Variants in SERINC1 observed in about 807,000 individuals in gnomAD.
SERINC1 encodes the protein tumor differentially expressed protein 2.
Under a neutral mutation model 52.9 loss-of-function variants are expected in SERINC1, and 38 were observed. The ratio of observed to expected loss-of-function variants is 0.72; its 90% CI spans 0.55 to 0.94. The LOEUF is 0.94. Among genes scored for constraint, SERINC1 ranks in the 40% least tolerant of loss-of-function variants. The probability of loss-of-function intolerance (pLI) is 0.00; values close to 1 mark genes in which losing one functional copy is unlikely to be tolerated. For synonymous variants in SERINC1, 198 were observed against 183.1 expected (o/e 1.08, Z -0.66); for missense variants, 471 against 533.9 (o/e 0.88, Z 1.16).
At chr6:122,454,017 G>GGA in intron 4 of SERINC1, 110 bp from the exon 5 acceptor site, 1 of 1,298,768 alleles carries the variant, frequency 7.7e-7, no homozygotes, top group Non-Finnish European at 1.1e-6. Flanking sequence ...TGAACATCTT[G>GGA]ATTTTGCCAA....
In SERINC1 at chr6:122,444,930, G is replaced by A; in HGVS notation, c.*114C>T. The A allele has an allele frequency of 1.0e-6, 1 of 957,128 alleles. No individual in the cohort carries two copies. The highest frequency in any genetic ancestry group is 1.7e-5 in the South Asian group (1 of 57,628). 59.3% of individuals were successfully genotyped at this position (957,128 alleles called of 1,614,324 possible). ...AAGCAGTAAAATCTAATTCATGCCA[G>A]AACACTGGAGAAGTTACATGGGAAG... On this transcript the variant is annotated 3_prime_UTR_variant, in exon 10 of 10. Coordinates refer to ENST00000339697, the MANE Select transcript of SERINC1 (RefSeq NM_020755.4).
At chr6:122,455,685 A>C (rs1483120097) in intron 3 of SERINC1, among the ~76,000 whole-genome samples, 1 of 152,188 alleles carries the variant, frequency 6.6e-6, no homozygotes, top group African/African-American at 2.4e-5. Context: ...ACAATTACAT[A>C]AACTGCTTTT....
intron 2 of SERINC1, among the ~76,000 whole-genome samples, chr6:122,457,355 C>G (rs1351016309): frequency 6.6e-6 from 1 of 152,194 alleles, no homozygotes; most frequent in Non-Finnish European, 1.5e-5. Flanking sequence ...TCAGCATACG[C>G]TGCCATGGTT....
At chr6:122,447,972 G>C (rs1260695196) in intron 7 of SERINC1, among the ~76,000 whole-genome samples, 1 of 152,066 alleles carries the variant, frequency 6.6e-6, no homozygotes, top group East Asian at 1.9e-4. Context: ...AAATCAGCTG[G>C]GCGTGGTGGC....
chr6:122,456,654 G>C lies in SERINC1; in HGVS notation c.202-4C>G. On this transcript the variant is annotated splice_polypyrimidine_tract_variant and splice_region_variant and intron_variant, in intron 2 of 9. Transcript: ENST00000339697. ...CATTCTCACAAAATCCAGGAATCTA[G>C]AAAAACAAAAGAGTTTATGATCCAT... is the stretch of plus-strand genomic sequence containing the variant. The C allele has an allele frequency of 6.4e-7, 1 of 1,559,688 alleles. No individual in the cohort carries two copies. Among genetic ancestry groups the C allele is most frequent in the Non-Finnish European group, 8.6e-7 (1 of 1,158,664 alleles).
chr6:122,451,776 A>AAAAAAATATATATATATATATAT, intron 6 of SERINC1, 22 bp from the exon 7 acceptor site: 3 of 113,064 alleles, frequency 2.7e-5, no homozygotes, highest in African/African-American at 7.4e-5. Flanking sequence ...AAAAAAAAAA[A>AAAAAAATATATATATATATATAT]ATATATATAT....
At chr6:122,462,935 A>G (rs1274937367) in intron 1 of SERINC1, among the ~76,000 whole-genome samples, 1 of 152,188 alleles carries the variant, frequency 6.6e-6, no homozygotes, top group Admixed American at 6.5e-5. Flanking sequence ...CCCAATTCCA[A>G]TCACAATCCC....
In SERINC1 at chr6:122,444,976, C is replaced by T; in HGVS notation, c.*68G>A. On this transcript the variant is annotated 3_prime_UTR_variant, in exon 10 of 10. Coordinates refer to ENST00000339697, the MANE Select transcript of SERINC1 (RefSeq NM_020755.4). ...GGAAGCAAAAACATACACAACTTTACAAAAGTTGGGAATACTGTTTTCAAA... is the reference window on the plus strand; with the variant it reads ...GGAAGCAAAAACATACACAACTTTATAAAAGTTGGGAATACTGTTTTCAAA... The T allele has an allele frequency of 6.7e-7, 1 of 1,494,376 alleles. No homozygotes were observed. The highest frequency in any genetic ancestry group is 9.1e-7 in the Non-Finnish European group (1 of 1,094,666). The allele number at this position is 1,494,376 out of a possible 1,614,324, so 92.6% of individuals were successfully genotyped here.
At position 122,468,061 on chromosome 6, in the gene SERINC1, G is replaced by A. The variant is rs565563603; in HGVS notation, c.39+3638C>T. Among the ~76,000 whole-genome samples the A allele has an allele frequency of 5.3e-5, 8 of 152,232 alleles. No homozygotes were observed. The East Asian group carries it at 1.4e-3, about 26-fold the overall frequency. ...CTATTTTTCTTAAGCGCATAGAGAA[G>A]TATGTACATACAGAATTATGAATTA... On this transcript the variant is annotated intron_variant, in intron 1 of 9. Transcript: ENST00000339697.
In SERINC1 at chr6:122,443,425, T is replaced by C. The variant is rs1217598191; in HGVS notation, c.*1619A>G. 1 of 152,056 alleles carries C rather than the reference T, an allele frequency of 6.6e-6. No homozygotes were observed. The highest frequency in any genetic ancestry group is 1.9e-4 in the East Asian group (1 of 5,198). 9.4% of individuals were successfully genotyped at this position (152,056 alleles called of 1,614,324 possible). A position where few individuals can be genotyped will look rare whatever the true frequency, so the allele number is the denominator to read the frequency against. Reference sequence around the variant, plus strand: ...TGGAATACAATGTCTACACACAGAATAAGGTTGGGGAATTAAGCTGAATTG... The same window carrying C: ...TGGAATACAATGTCTACACACAGAACAAGGTTGGGGAATTAAGCTGAATTG... On this transcript the variant is annotated 3_prime_UTR_variant, in exon 10 of 10. Transcript: ENST00000339697.
intron 5 of SERINC1, among the ~76,000 whole-genome samples, chr6:122,453,272 C>A (rs144863042): frequency 6.6e-6 from 1 of 152,254 alleles, no homozygotes; most frequent in Non-Finnish European, 1.5e-5. Context: ...TATAAATAAT[C>A]ATTAATTACA....
At chr6:122,448,106 CAAAAA>C (rs879702470) in intron 7 of SERINC1, among the ~76,000 whole-genome samples, 1 of 65,210 alleles carries the variant, frequency 1.5e-5, no homozygotes, top group Non-Finnish European at 3.2e-5. Flanking sequence ...GACTCTGTCT[CAAAAA>C]AAAAAAAAAA....
rs1442129837 is a variant in SERINC1 at position 122,446,817 on chromosome 6, G to C, written c.1183C>G (p.Leu395Val). Residue 395 changes from leucine (L) to valine (V), a missense_variant, in exon 9 of 10, where the codon CTG becomes GTG. By Grantham distance (32) the Leu-to-Val change is conservative. Coordinates refer to ENST00000339697, the MANE Select transcript of SERINC1 (RefSeq NM_020755.4). ...GTCATCATGATATAAAGTGAAGCCA[G>C]GAAAAGCATGAAGTGAAAGAAGGAA... is the stretch of plus-strand genomic sequence containing the variant. ...SYSFFHFMLF[L>V]ASLYIMMTLT... is the part of the protein sequence containing the mutation. 1.2e-6 allele frequency: 2 copies of C among 1,613,830 alleles called. No individual in the cohort carries two copies. Among genetic ancestry groups the C allele is most frequent in the African/African-American group, 2.7e-5 (2 of 74,902 alleles).
At chr6:122,465,034 T>C (rs1037528090) in intron 1 of SERINC1, among the ~76,000 whole-genome samples, 29 of 152,166 alleles carry the variant, frequency 1.9e-4, no homozygotes, top group Non-Finnish European at 3.5e-4. Flanking sequence ...TGGGGTTTTT[T>C]TTCTTTAAAA....
At chr6:122,469,712 T>C (rs1206583747) in intron 1 of SERINC1, among the ~76,000 whole-genome samples, 1 of 151,990 alleles carries the variant, frequency 6.6e-6, no homozygotes, top group Non-Finnish European at 1.5e-5. Context: ...TGTGCCACCA[T>C]ACCCAGCTAT....
intron 5 of SERINC1, among the ~76,000 whole-genome samples, chr6:122,452,990 A>T (rs1307133399): frequency 1.3e-5 from 2 of 152,180 alleles, no homozygotes; most frequent in Non-Finnish European, 2.9e-5. Flanking sequence ...GAAAATCCAG[A>T]TTTATGACTT....
At chr6:122,471,571 G>A in intron 1 of SERINC1, 128 bp downstream of exon 1, 1 of 1,088,554 alleles carries the variant, frequency 9.2e-7, no homozygotes, top group Non-Finnish European at 1.4e-6. Flanking sequence ...GAAGAAAACG[G>A]GGACAGAGAG....
At chr6:122,456,968 G>C (rs1239725219) in intron 2 of SERINC1, among the ~76,000 whole-genome samples, 2 of 152,084 alleles carry the variant, frequency 1.3e-5, no homozygotes, top group Non-Finnish European at 2.9e-5. Flanking sequence ...TTTTAGTAGT[G>C]TAAGTGCTAT....
chr6:122,471,617 C>T, intron 1 of SERINC1, 82 bp downstream of exon 1: 1 of 1,571,424 alleles, frequency 6.4e-7, no homozygotes, highest in Admixed American at 1.7e-5. Context: ...ACATTCCCGC[C>T]GGGCTCACCC....
Sources: allele counts gnomAD v4.1 joint callset (sites outside exome capture counted in the v4.1 genomes callset), GRCh38; gene constraint gnomAD v4.1.1; transcripts MANE v1.5; gene names NCBI Gene and HGNC (gene_info 2026-07-23, HGNC 2026-07-21).